TMEM63C: variants seen among roughly 807,000 people sequenced by gnomAD.
TMEM63C encodes the protein osmosensitive cation channel TMEM63C.
A neutral mutation model predicts 99.2 loss-of-function variants in TMEM63C; 32 were observed. That is an observed-to-expected ratio of 0.32 (90% CI 0.24 to 0.43). TMEM63C has a LOEUF of 0.43. Ranked by LOEUF, TMEM63C falls within the 20% of genes least tolerant of loss-of-function variation. TMEM63C has a pLI of 1.00. For missense variants in TMEM63C, 826 were observed against 1,053.0 expected (o/e 0.78, Z 2.98); for synonymous variants, 376 against 397.9 (o/e 0.94, Z 0.66).
chr14:77,223,437 G>C (rs1002315525), intron 5 of TMEM63C, among the ~76,000 whole-genome samples: 5 of 152,158 alleles, frequency 3.3e-5, no homozygotes, highest in Non-Finnish European at 7.4e-5. Flanking sequence ...CCCTGAGCAA[G>C]TTGGGTCAGG....
intron 2 of TMEM63C, among the ~76,000 whole-genome samples, chr14:77,214,887 T>C (rs1409642141): frequency 2.0e-5 from 3 of 152,126 alleles, no homozygotes; most frequent in Non-Finnish European, 4.4e-5. Flanking sequence ...CCACAATTCT[T>C]CTACCTCCCC....
chr14:77,191,198 A>G (rs1225810736), intron 1 of TMEM63C, among the ~76,000 whole-genome samples: 9 of 152,190 alleles, frequency 5.9e-5, no homozygotes, highest in African/African-American at 2.2e-4. Context: ...TTCATTCTTG[A>G]TTCCCTGGCA....
rs773117217 is a variant in TMEM63C, at chr14:77,253,308, G to A, written c.2152G>A (p.Glu718Lys). 1.6e-5 allele frequency: 25 copies of A among 1,611,340 alleles called. No homozygotes were observed. Among genetic ancestry groups the A allele is most frequent in the South Asian group, 1.5e-4 (14 of 90,480 alleles). The change falls in exon 23 of 24, where the codon GAG (glutamate) becomes AAG (lysine). Residue 718 changes from glutamate to lysine, a missense_variant. Transcript: ENST00000298351. ...KLRMVADYEP[E>K]EEEIQTVFDM... ...CCACCACCTCTCCCTGCTGCAGCCC[G>A]AGGAGGAGGAGATCCAGACAGTGTT...
At chr14:77,250,598 C>G (rs906045067) in intron 21 of TMEM63C, among the ~76,000 whole-genome samples, 1 of 152,000 alleles carries the variant, frequency 6.6e-6, no homozygotes, top group African/African-American at 2.4e-5. Flanking sequence ...TGCCACCACG[C>G]CCCGCTAATT....
chr14:77,256,554 C>A lies in TMEM63C; in HGVS notation c.2249C>A (p.Pro750Gln), dbSNP rs756417038. 6.2e-7 allele frequency: 1 copy of A among 1,613,962 alleles called. No homozygotes were observed. Among genetic ancestry groups the A allele is most frequent in the Non-Finnish European group, 8.5e-7 (1 of 1,179,864 alleles). The change falls in exon 24 of 24, where the codon CCG (proline) becomes CAG (glutamine). Residue 750 changes from proline to glutamine, a missense_variant. Pro to Gln is a moderately conservative substitution (Grantham distance 76). Coordinates refer to ENST00000298351, the MANE Select transcript of TMEM63C (RefSeq NM_020431.4). ...LLYVATVLQEPELNLTPASSP... is the reference protein window; with the variant it reads ...LLYVATVLQEQELNLTPASSP... ...TATGTGGCCACCGTGCTGCAAGAACCGGAGTTGAATCTGACCCCCGCCTCC... is the reference window on the plus strand; with the variant it reads ...TATGTGGCCACCGTGCTGCAAGAACAGGAGTTGAATCTGACCCCCGCCTCC...
chr14:77,235,603 A>G (rs867219510), intron 8 of TMEM63C, among the ~76,000 whole-genome samples: 10 of 956 alleles, frequency 0.01, no homozygotes, highest in Non-Finnish European at 6.3e-3. Flanking sequence ...ATGGGTGGGG[A>G]AGGTGTCCAG....
At chr14:77,182,084 C>A (rs1259379531) in intron 1 of TMEM63C, among the ~76,000 whole-genome samples, 190 bp downstream of exon 1, 1 of 152,150 alleles carries the variant, frequency 6.6e-6, no homozygotes, top group Non-Finnish European at 1.5e-5. Context: ...CTGGCTGTCT[C>A]TAGCTTGTAC....
At position 77,252,048 on chromosome 14, in the gene TMEM63C, ATG is replaced by A; in HGVS notation, c.2148+151_2148+152del. The A allele has an allele frequency of 4.5e-6, 3 of 667,632 alleles. No homozygotes were observed. The South Asian group carries it at 5.3e-5, about 12-fold the overall frequency. 41.4% of individuals were successfully genotyped at this position (667,632 alleles called of 1,614,324 possible). A position where few individuals can be genotyped will look rare whatever the true frequency, so the allele number is the denominator to read the frequency against. ...CTGTAGAGCGTGGAGCCCAGTGTGC[ATG>A]CGTGCATGCATGCGTGCATGCCTTG... On this transcript the variant is annotated intron_variant, in intron 22 of 23. Transcript: ENST00000298351.
intron 16 of TMEM63C, among the ~76,000 whole-genome samples, chr14:77,244,853 C>CAGG (rs1187087797): frequency 6.6e-6 from 1 of 152,228 alleles, no homozygotes; most frequent in East Asian, 1.9e-4. Flanking sequence ...GCTTTGGCCA[C>CAGG]ACAGAGGGGC....
chr14:77,199,456 C>G (rs181590117), intron 1 of TMEM63C, among the ~76,000 whole-genome samples: 26 of 152,328 alleles, frequency 1.7e-4, no homozygotes, highest in Admixed American at 7.2e-4. Flanking sequence ...CCCACCTCTT[C>G]AGCCAAGCTA....
At chr14:77,249,053 G>GT (rs372339609) in intron 20 of TMEM63C, among the ~76,000 whole-genome samples, 181 bp downstream of exon 20, 241 of 152,290 alleles carry the variant, frequency 1.6e-3, no homozygotes, top group African/African-American at 5.5e-3. Context: ...GATGGGGGAT[G>GT]TTTGTTGAAT....
At chr14:77,226,568 T>C (rs1425662277) in intron 6 of TMEM63C, among the ~76,000 whole-genome samples, 1 of 152,028 alleles carries the variant, frequency 6.6e-6, no homozygotes, top group Non-Finnish European at 1.5e-5. Context: ...GAGCTGGGCA[T>C]TGGAGGACAG....
At chr14:77,213,330 G>A (rs1280383963) in intron 1 of TMEM63C, 116 bp from the exon 2 acceptor site, 1 of 152,252 alleles carries the variant, frequency 6.6e-6, no homozygotes, top group Non-Finnish European at 1.5e-5. Flanking sequence ...TCTGATAAAG[G>A]ACGTGCATTT....
chr14:77,242,074 G>A (rs541255104), intron 13 of TMEM63C, among the ~76,000 whole-genome samples: 3 of 152,204 alleles, frequency 2.0e-5, no homozygotes, highest in Admixed American at 6.5e-5. Context: ...CTGCTGTTAA[G>A]GGGAAAGGCA....
At chr14:77,236,846 G>A in intron 9 of TMEM63C, 114 bp downstream of exon 9, 3 of 734,130 alleles carry the variant, frequency 4.1e-6, no homozygotes, top group Non-Finnish European at 4.8e-6. Flanking sequence ...GACTGTGATA[G>A]ATGGGAGGGG....
intron 1 of TMEM63C, among the ~76,000 whole-genome samples, chr14:77,207,695 C>T (rs766745702): frequency 1.4e-4 from 22 of 152,218 alleles, no homozygotes; most frequent in Non-Finnish European, 2.6e-4. Flanking sequence ...GCTGCTACCT[C>T]TCATGTTGCT....
chr14:77,234,707 C>A (rs1183366152), intron 8 of TMEM63C, among the ~76,000 whole-genome samples: 1 of 152,218 alleles, frequency 6.6e-6, no homozygotes, highest in East Asian at 1.9e-4. Context: ...GGCCCTATTT[C>A]TGAGTAGCAA....
intron 1 of TMEM63C, among the ~76,000 whole-genome samples, chr14:77,193,561 G>A (rs2075462766): frequency 6.6e-6 from 1 of 152,096 alleles, no homozygotes; most frequent in Non-Finnish European, 1.5e-5. Flanking sequence ...TAGGCCTGGT[G>A]AGGTGGCTCA....
intron 14 of TMEM63C, among the ~76,000 whole-genome samples, 189 bp downstream of exon 14, chr14:77,242,658 A>G (rs541140673): frequency 5.1e-4 from 77 of 152,008 alleles, no homozygotes; most frequent in African/African-American, 1.7e-3. Flanking sequence ...GTGGCATCCA[A>G]CCCTTAGCAA....
Sources: gnomAD v4.1 joint callset for allele counts (sites outside exome capture counted in the v4.1 genomes callset) on GRCh38, gnomAD v4.1.1 for gene constraint, MANE v1.5 for transcripts, NCBI Gene and HGNC (gene_info 2026-07-23, HGNC 2026-07-21) for gene names.